The following LARGE1 variants were observed in gnomAD, a reference collection of about 807,000 sequenced individuals.
The protein encoded by LARGE1 is xylosyl- and glucuronyltransferase LARGE1.
A neutral mutation model predicts 87.6 loss-of-function variants in LARGE1; 43 were observed. The observed-to-expected ratio is 0.49, with a 90% CI of 0.38 to 0.63. The LOEUF is 0.63. LARGE1 is among the 30% of genes least tolerant of loss of function. The pLI is 0.00. For synonymous variants in LARGE1, 434 were observed against 394.6 expected, an observed-to-expected ratio of 1.10 and a Z score of -1.18; for missense variants, 802 against 1,000.2, an observed-to-expected ratio of 0.80 and a Z score of 2.67.
intron 5 of LARGE1, among the ~76,000 whole-genome samples, chr22:33,572,726 C>T (rs937759361): frequency 1.3e-5 from 2 of 151,926 alleles, no homozygotes; most frequent in Non-Finnish European, 2.9e-5. Flanking sequence ...AAAAATTAGC[C>T]AGGCATGGTG....
chr22:33,839,784 A>T (rs571023308), intron 1 of LARGE1, among the ~76,000 whole-genome samples: 39 of 152,364 alleles, frequency 2.6e-4, no homozygotes, highest in African/African-American at 9.4e-4. Flanking sequence ...AAAAGCGATT[A>T]TTAACTACCT....
chr22:33,856,319 C>T (rs1346330208), intron 1 of LARGE1, among the ~76,000 whole-genome samples: 2 of 152,090 alleles, frequency 1.3e-5, no homozygotes, highest in Admixed American at 6.5e-5. Context: ...CCCGACAGAA[C>T]AAGCTGGGTG....
chr22:33,269,952 C>G (rs552258635), downstream of LARGE1, among the ~76,000 whole-genome samples: 29 of 151,476 alleles, frequency 1.9e-4, no homozygotes, highest in African/African-American at 6.8e-4. Flanking sequence ...TTGCAGTGAG[C>G]CGAGATCGCG....
intron 2 of LARGE1, among the ~76,000 whole-genome samples, chr22:33,700,265 T>C (rs1376111451): frequency 6.6e-6 from 1 of 152,172 alleles, no homozygotes; most frequent in Non-Finnish European, 1.5e-5. Flanking sequence ...ACAAGCCTTC[T>C]AGGTCATTCT....
At chr22:33,792,090 A>G (rs1048112134) in intron 1 of LARGE1, among the ~76,000 whole-genome samples, 6 of 152,166 alleles carry the variant, frequency 3.9e-5, no homozygotes, top group Admixed American at 1.3e-4. Flanking sequence ...TCAGACTCAG[A>G]GACGTCAATT....
intron 12 of LARGE1, among the ~76,000 whole-genome samples, chr22:33,301,638 T>C (rs578045643): frequency 6.6e-6 from 1 of 152,130 alleles, no homozygotes; most frequent in Admixed American, 6.5e-5. Context: ...TCTATTGAAT[T>C]GTACTCAGCA....
intron 6 of LARGE1, among the ~76,000 whole-genome samples, chr22:33,491,543 A>T (rs1375074188): frequency 6.6e-6 from 1 of 152,238 alleles, no homozygotes; most frequent in Non-Finnish European, 1.5e-5. Context: ...TCTGAAGATG[A>T]AAGAATCTTC....
chr22:33,749,752 C>T (rs904690536), intron 2 of LARGE1, among the ~76,000 whole-genome samples: 7 of 152,332 alleles, frequency 4.6e-5, no homozygotes, highest in African/African-American at 1.2e-4. Flanking sequence ...CTGCTAGCCA[C>T]AGAAGTTCGC....
chr22:33,697,826 C>T (rs2082297512), intron 2 of LARGE1, among the ~76,000 whole-genome samples: 1 of 152,204 alleles, frequency 6.6e-6, no homozygotes, highest in South Asian at 2.1e-4. Flanking sequence ...ATCCTTTTCA[C>T]CCTACATGTG....
At chr22:33,632,798 G>A (rs970225831) in intron 3 of LARGE1, among the ~76,000 whole-genome samples, 1 of 152,154 alleles carries the variant, frequency 6.6e-6, no homozygotes, top group Non-Finnish European at 1.5e-5. Context: ...ATCCCTAAAG[G>A]AAACGGCACC....
intron 9 of LARGE1, among the ~76,000 whole-genome samples, chr22:33,349,959 A>G (rs1003390504): frequency 6.6e-6 from 1 of 152,238 alleles, no homozygotes; most frequent in Non-Finnish European, 1.5e-5. Flanking sequence ...TGGAAAATGT[A>G]GACACTTAGG....
intron 6 of LARGE1, among the ~76,000 whole-genome samples, chr22:33,464,511 G>A (rs1466901139): frequency 2.6e-5 from 4 of 152,026 alleles, no homozygotes; most frequent in African/African-American, 4.8e-5. Context: ...GATAAAGAAC[G>A]GCTACAAGTC....
rs540679256 is a variant in LARGE1, at chr22:33,531,377, C to T, written c.787+33471G>A. The stretch of plus-strand genomic sequence containing the variant: ...TTCACCACGTTGGCCAGGCTGGTCT[C>T]GAACTCCTAACCTCAGGTGATCCAC... On this transcript the variant is annotated intron_variant, in intron 6 of 14. Transcript: ENST00000397394. Among the ~76,000 whole-genome samples the T allele has an allele frequency of 1.2e-4, 18 of 152,022 alleles. No individual in the cohort carries two copies. In the South Asian group the frequency reaches 2.5e-3, roughly 21 times the overall value.
chr22:33,145,529 G>A, the LARGE1 span, among the ~76,000 whole-genome samples: 2 of 152,322 alleles, frequency 1.3e-5, no homozygotes, highest in African/African-American at 4.8e-5. Context: ...ACAGCCATGA[G>A]CAAGTTTCAG....
the LARGE1 span, chr22:33,105,294 C>T: frequency 6.6e-6 from 1 of 152,244 alleles, no homozygotes; most frequent in East Asian, 1.9e-4. Context: ...GCCACCGCGC[C>T]TGGCCTCGAC....
intron 2 of LARGE1, among the ~76,000 whole-genome samples, chr22:33,668,648 A>G (rs2081328621): frequency 6.6e-6 from 1 of 152,184 alleles, no homozygotes; most frequent in South Asian, 2.1e-4. Context: ...ACTCATGTCC[A>G]TTGATGCAGG....
At chr22:33,108,574 A>C in the LARGE1 span, 1 of 152,142 alleles carries the variant, frequency 6.6e-6, no homozygotes, top group Admixed American at 6.5e-5. Context: ...TGGGGGATGG[A>C]TCAGGGAAAG....
intron 2 of LARGE1, among the ~76,000 whole-genome samples, chr22:33,754,378 G>A (rs965824861): frequency 5.4e-5 from 8 of 149,386 alleles, no homozygotes; most frequent in Non-Finnish European, 8.9e-5. Context: ...GCTCTGTCAC[G>A]CAGGCTGGAG....
chr22:33,534,296 C>A (rs1309702019), intron 6 of LARGE1, among the ~76,000 whole-genome samples: 1 of 151,946 alleles, frequency 6.6e-6, no homozygotes, highest in Non-Finnish European at 1.5e-5. Context: ...CCCAGCTACT[C>A]GGGAGGCTGA....
Sources: gnomAD v4.1 joint callset for allele counts (sites outside exome capture counted in the v4.1 genomes callset) on GRCh38, gnomAD v4.1.1 for gene constraint, MANE v1.5 for transcripts, NCBI Gene and HGNC (gene_info 2026-07-23, HGNC 2026-07-21) for gene names.